The following UBE2D2 variants were observed in gnomAD, a reference collection of about 807,000 sequenced individuals.
UBE2D2 encodes ubiquitin-conjugating enzyme E2 D2.
In UBE2D2, 2 loss-of-function variants were observed where a neutral mutation model predicts 24.2. That is an observed-to-expected ratio of 0.08 (90% CI 0.03 to 0.26). The LOEUF (loss-of-function observed/expected upper bound fraction) is 0.26. Among genes scored for constraint, UBE2D2 ranks in the 10% least tolerant of loss-of-function variants. The probability of loss-of-function intolerance (pLI) is 1.00; values close to 1 mark genes in which losing one functional copy is unlikely to be tolerated. For missense variants in UBE2D2, 44 were observed against 177.6 expected (o/e 0.25, Z 4.28); for synonymous variants, 58 against 56.5 (o/e 1.03, Z -0.12).
chr5:139,531,373 C>T (rs1008399707), intron 1 of UBE2D2, among the ~76,000 whole-genome samples: 6 of 152,148 alleles, frequency 3.9e-5, no homozygotes, highest in South Asian at 2.1e-4. Context: ...TGTCACGTAC[C>T]GCCTGCCTGC....
At chr5:139,562,465 C>T in intron 1 of UBE2D2, 3 of 1,276,402 alleles carry the variant, frequency 2.4e-6, no homozygotes, top group African/African-American at 3.1e-5. Flanking sequence ...CTTGAGGTTG[C>T]TGTATGTAGT....
At chr5:139,619,118 G>A (rs886454181) in intron 5 of UBE2D2, among the ~76,000 whole-genome samples, 3 of 152,162 alleles carry the variant, frequency 2.0e-5, no homozygotes, top group African/African-American at 7.2e-5. Flanking sequence ...AAGTAATACT[G>A]GCCAGGCGCA....
chr5:139,560,339 A>C (rs1026296451), upstream of UBE2D2, among the ~76,000 whole-genome samples: 2 of 151,982 alleles, frequency 1.3e-5, no homozygotes, highest in African/African-American at 4.8e-5. Context: ...CTGGGACTAC[A>C]GGCGCCTGCC....
intron 1 of UBE2D2, among the ~76,000 whole-genome samples, chr5:139,566,795 A>C (rs115509809): frequency 2.0e-5 from 3 of 152,166 alleles, no homozygotes; most frequent in Non-Finnish European, 4.4e-5. Context: ...GATGAGGGCA[A>C]CTGCTAACCA....
At chr5:139,606,811 T>C (rs1031041986) in intron 2 of UBE2D2, among the ~76,000 whole-genome samples, 2 of 152,172 alleles carry the variant, frequency 1.3e-5, no homozygotes, top group African/African-American at 2.4e-5. Context: ...TCTTGAGCTA[T>C]TTCTCTTTTC....
At chr5:139,596,648 T>TC (rs934494660) in intron 1 of UBE2D2, among the ~76,000 whole-genome samples, 19 of 151,866 alleles carry the variant, frequency 1.3e-4, no homozygotes, top group African/African-American at 4.6e-4. Context: ...CACCTGTAAT[T>TC]CCAGCACTTT....
intron 1 of UBE2D2, among the ~76,000 whole-genome samples, chr5:139,542,337 C>T (rs1752771667): frequency 6.6e-6 from 1 of 152,162 alleles, no homozygotes. Context: ...CCCTAACCTA[C>T]TATTTTGTTA....
chr5:139,533,721 C>T (rs1197963549), intron 1 of UBE2D2, among the ~76,000 whole-genome samples: 2 of 151,474 alleles, frequency 1.3e-5, no homozygotes, highest in Non-Finnish European at 2.9e-5. Flanking sequence ...TTACTGGGAG[C>T]GTCAGAAAAC....
Position 139,561,530 on chromosome 5 carries a change from A to G in UBE2D2, c.-262A>G, listed in dbSNP as rs1665440853. ...GGCGCTGATCCTGGGAGGAAGAGGCAGCTACGGCGGCGGCGGCGGTGGCGG... is the reference window on the plus strand; with the variant it reads ...GGCGCTGATCCTGGGAGGAAGAGGCGGCTACGGCGGCGGCGGCGGTGGCGG... On this transcript the variant is annotated 5_prime_UTR_variant, in exon 1 of 7. Coordinates refer to ENST00000398733, the MANE Select transcript of UBE2D2 (RefSeq NM_003339.3). 2 of 415,858 alleles carry G rather than the reference A, an allele frequency of 4.8e-6. No homozygotes were observed. The highest frequency in any genetic ancestry group is 4.5e-5 in the Admixed American group (1 of 22,262). 25.8% of individuals were successfully genotyped at this position (415,858 alleles called of 1,614,324 possible). A position where few individuals can be genotyped will look rare whatever the true frequency, so the allele number is the denominator to read the frequency against.
At chr5:139,570,632 C>T (rs776071112) in intron 1 of UBE2D2, among the ~76,000 whole-genome samples, 3 of 152,184 alleles carry the variant, frequency 2.0e-5, no homozygotes, top group Non-Finnish European at 4.4e-5. Context: ...CAGCTTCAGC[C>T]TCCAGAGTAG....
At chr5:139,534,662 T>C (rs77017610) in intron 1 of UBE2D2, among the ~76,000 whole-genome samples, 16,752 of 150,256 alleles carry the variant, frequency 0.11, 962 homozygotes, top group Middle Eastern at 0.14. Flanking sequence ...CTTGAACCTG[T>C]GAGGCTGAGG....
At chr5:139,554,183 T>C (rs1481171586) in intron 1 of UBE2D2, among the ~76,000 whole-genome samples, 2 of 152,180 alleles carry the variant, frequency 1.3e-5, no homozygotes, top group Admixed American at 1.3e-4. Context: ...GATCGCATTT[T>C]TTTTTTAAAG....
chr5:139,551,191 A>C (rs1180225314), intron 1 of UBE2D2, among the ~76,000 whole-genome samples: 3 of 152,098 alleles, frequency 2.0e-5, no homozygotes, highest in African/African-American at 7.2e-5. Flanking sequence ...CTGAAATTAC[A>C]AAAAATTAGC....
chr5:139,596,257 T>C (rs982997548), intron 1 of UBE2D2, among the ~76,000 whole-genome samples: 4 of 151,596 alleles, frequency 2.6e-5, no homozygotes, highest in African/African-American at 9.7e-5. Flanking sequence ...TGCTTTTTCT[T>C]TTTTAAAAAA....
intron 2 of UBE2D2, among the ~76,000 whole-genome samples, chr5:139,603,466 T>C (rs355155): frequency 6.6e-6 from 1 of 151,106 alleles, no homozygotes; most frequent in Non-Finnish European, 1.5e-5. Flanking sequence ...CTACTAAAAA[T>C]ACAAAAATTA....
intron 1 of UBE2D2, among the ~76,000 whole-genome samples, chr5:139,590,017 C>A (rs906405270): frequency 2.6e-5 from 4 of 152,072 alleles, no homozygotes; most frequent in African/African-American, 4.8e-5. Flanking sequence ...ATCTCCTGAC[C>A]TTGTGGTCCG....
upstream of UBE2D2, among the ~76,000 whole-genome samples, chr5:139,557,081 C>A (rs1385272149): frequency 1.3e-5 from 2 of 151,866 alleles, no homozygotes; most frequent in East Asian, 3.9e-4. Flanking sequence ...GATCTGCCTG[C>A]CTCGGCCTCC....
upstream of UBE2D2, among the ~76,000 whole-genome samples, chr5:139,558,756 A>G (rs1391688308): frequency 6.6e-6 from 1 of 152,110 alleles, no homozygotes; most frequent in Non-Finnish European, 1.5e-5. Context: ...AGTGTGGGTG[A>G]CTTTTATTTC....
chr5:139,625,910 C>G (rs1754617517), intron 6 of UBE2D2, among the ~76,000 whole-genome samples: 1 of 149,934 alleles, frequency 6.7e-6, no homozygotes, highest in African/African-American at 2.5e-5. Flanking sequence ...CGGCCTAGCA[C>G]CCGTTTTTTA....
Sources: gnomAD v4.1 joint callset for allele counts (sites outside exome capture counted in the v4.1 genomes callset) on GRCh38, gnomAD v4.1.1 for gene constraint, MANE v1.5 for transcripts, NCBI Gene and HGNC (gene_info 2026-07-23, HGNC 2026-07-21) for gene names.